Variants in TRPM3 observed in about 807,000 individuals in gnomAD.
TRPM3 encodes the protein transient receptor potential cation channel subfamily M member 3.
TRPM3 carries 77 observed loss-of-function variants against 181.2 expected under a neutral mutation model. That is an observed-to-expected ratio of 0.42 (90% CI 0.35 to 0.51). TRPM3 has a LOEUF of 0.51. Ranked by LOEUF, TRPM3 falls within the 20% of genes least tolerant of loss-of-function variation. The pLI, the probability that TRPM3 is intolerant of heterozygous loss-of-function variation, is 0.01. For missense variants in TRPM3, 1,759 were observed against 2,196.7 expected, an observed-to-expected ratio of 0.80 and a Z score of 3.98; for synonymous variants, 745 against 796.4, an observed-to-expected ratio of 0.94 and a Z score of 1.09.
At chr9:70,595,701 C>T (rs544615734) in intron 21 of TRPM3, among the ~76,000 whole-genome samples, 6 of 152,296 alleles carry the variant, frequency 3.9e-5, no homozygotes, top group Admixed American at 2.6e-4. Flanking sequence ...TCCACAGATC[C>T]TACCTCCTGA....
intron 1 of TRPM3, among the ~76,000 whole-genome samples, chr9:71,161,191 C>T (rs2076257457): frequency 2.0e-5 from 3 of 152,136 alleles, no homozygotes; most frequent in African/African-American, 7.2e-5. Context: ...TAGGAGGAAA[C>T]TCCAACTACT....
intron 6 of TRPM3, among the ~76,000 whole-genome samples, chr9:70,784,504 T>A (rs1239966789): frequency 6.6e-6 from 1 of 152,016 alleles, no homozygotes; most frequent in Non-Finnish European, 1.5e-5. Context: ...CCCTCAACTC[T>A]CAGGATGCTG....
At chr9:71,217,956 A>G (rs1588006079) in intron 1 of TRPM3, among the ~76,000 whole-genome samples, 1 of 152,174 alleles carries the variant, frequency 6.6e-6, no homozygotes, top group South Asian at 2.1e-4. Context: ...TTCCATCCAA[A>G]TATCTCCTTG....
Position 70,827,892 on chromosome 9 carries a change from G to A in TRPM3, c.928C>T (p.Arg310Ter), listed in dbSNP as rs772822897. 2.5e-6 allele frequency: 4 copies of A among 1,614,062 alleles called. No individual in the cohort carries two copies. The highest frequency in any genetic ancestry group is 1.1e-5 in the South Asian group (1 of 91,080). Residue 310 changes from arginine (R) to a stop codon, truncating the protein, a stop_gained, in exon 6 of 26, where the codon CGA (arginine) becomes TGA (stop). Coordinates refer to ENST00000677713, the MANE Select transcript of TRPM3 (RefSeq NM_001366145.2). LOFTEE classifies it high-confidence loss of function. ...TGKYGAEVKLRRQLEKHISLQ... is the reference protein window; with the variant it reads ...TGKYGAEVKL ...GAAATATGCTTTTCCAGTTGTCTTC[G>A]AAGTTTCACCTCTGCTCCATATTTT... is the stretch of plus-strand genomic sequence containing the variant.
chr9:71,267,500 T>G (rs916391100), intron 1 of TRPM3, among the ~76,000 whole-genome samples: 1 of 152,076 alleles, frequency 6.6e-6, no homozygotes, highest in African/African-American at 2.4e-5. Flanking sequence ...CTAAGTACTT[T>G]GGGTTGCAGC....
chr9:70,610,097 T>C (rs146059841), intron 19 of TRPM3, among the ~76,000 whole-genome samples: 113 of 152,322 alleles, frequency 7.4e-4, no homozygotes, highest in East Asian at 3.3e-3. Flanking sequence ...TTGTTAATTG[T>C]GTTGGAACAA....
At chr9:70,865,046 T>TG (rs71507015) in intron 1 of TRPM3, among the ~76,000 whole-genome samples, 5,596 of 94,424 alleles carry the variant, frequency 0.059, 79 homozygotes, top group African/African-American at 0.12. Context: ...ACAGGGGGGT[T>TG]GGGGGGGGGG....
intron 1 of TRPM3, among the ~76,000 whole-genome samples, chr9:70,973,752 T>G (rs2097269224): frequency 6.6e-6 from 1 of 152,096 alleles, no homozygotes; most frequent in African/African-American, 2.4e-5. Context: ...TGGAAAGAAA[T>G]AAAAAATTCA....
intron 1 of TRPM3, among the ~76,000 whole-genome samples, chr9:71,126,687 T>C (rs1429737679): frequency 2.0e-5 from 3 of 152,244 alleles, no homozygotes; most frequent in Admixed American, 6.5e-5. Context: ...CTTTGTTAAG[T>C]AGGTTAAGCA....
rs1169295257 is a variant in TRPM3, at chr9:70,537,067, TGGCTTCGCATACG to T, written c.4033_4045del (p.Arg1345IlefsTer8). The T allele has an allele frequency of 6.2e-7, 1 of 1,612,306 alleles. No homozygotes were observed. Among genetic ancestry groups the T allele is most frequent in the Non-Finnish European group, 8.5e-7 (1 of 1,178,394 alleles). On this transcript the variant is annotated frameshift_variant, in exon 26 of 26. Coordinates refer to ENST00000677713, the MANE Select transcript of TRPM3 (RefSeq NM_001366145.2). LOFTEE classifies it high-confidence loss of function. ...TTTCATATTGACCGAATAGAAAGAA[TGGCTTCGCATACG>T]GGGCATTAAGGTTGGAGAAGTTGGG...
At chr9:71,096,962 C>T (rs1415959433) in intron 1 of TRPM3, among the ~76,000 whole-genome samples, 1 of 152,096 alleles carries the variant, frequency 6.6e-6, no homozygotes, top group African/African-American at 2.4e-5. Context: ...ATGTATCACC[C>T]TGGCTCAAAA....
intron 22 of TRPM3, among the ~76,000 whole-genome samples, chr9:70,582,167 G>A (rs1016935249): frequency 7.9e-5 from 10 of 127,190 alleles, no homozygotes; most frequent in Non-Finnish European, 1.6e-4. Context: ...ACTCCTCCCC[G>A]CCTCCACCCT....
rs2063460461 is a variant in TRPM3, at chr9:70,620,469, T to G, written c.1840-104A>C. On this transcript the variant is annotated intron_variant, in intron 15 of 25. Coordinates refer to ENST00000677713, the MANE Select transcript of TRPM3 (RefSeq NM_001366145.2). ...TCCCAGCTAGCTCTGGGATCAATAC[T>G]GAAATGAACGAGGCCAGCTCCTGTC... 1.8e-5 allele frequency: 23 copies of G among 1,296,430 alleles called. No individual in the cohort carries two copies. In the South Asian group the frequency reaches 2.8e-4, roughly 16 times the overall value. 80.3% of individuals were successfully genotyped at this position (1,296,430 alleles called of 1,614,324 possible).
chr9:70,856,193 C>T (rs2095382713), intron 3 of TRPM3, among the ~76,000 whole-genome samples: 1 of 152,184 alleles, frequency 6.6e-6, no homozygotes, highest in South Asian at 2.1e-4. Context: ...AGAATTGGTT[C>T]TTCCTTCTCT....
chr9:70,842,823 T>C, intron 5 of TRPM3, 180 bp downstream of exon 5: 1 of 592,620 alleles, frequency 1.7e-6, no homozygotes, highest in South Asian at 3.5e-5. Flanking sequence ...ACCTGGAGTT[T>C]GCCTAGAGAT....
intron 6 of TRPM3, among the ~76,000 whole-genome samples, chr9:70,822,093 G>T (rs532563790): frequency 1.3e-5 from 2 of 152,298 alleles, no homozygotes; most frequent in Admixed American, 1.3e-4. Context: ...TGTAGATATA[G>T]AAGCTATGTT....
intron 22 of TRPM3, among the ~76,000 whole-genome samples, chr9:70,563,992 T>A (rs577525440): frequency 3.1e-4 from 47 of 152,176 alleles, no homozygotes; most frequent in South Asian, 6.2e-4. Context: ...CAATCAACAT[T>A]TTTCTCTGGT....
intron 1 of TRPM3, among the ~76,000 whole-genome samples, chr9:70,978,358 A>C (rs2097328087): frequency 6.6e-6 from 1 of 152,220 alleles, no homozygotes; most frequent in Non-Finnish European, 1.5e-5. Context: ...TCAGCCAGTT[A>C]AGTGTAAGAA....
intron 1 of TRPM3, among the ~76,000 whole-genome samples, chr9:70,988,034 T>A (rs761503498): frequency 6.6e-6 from 1 of 152,206 alleles, no homozygotes; most frequent in Non-Finnish European, 1.5e-5. Context: ...TCTGTAATTA[T>A]GTTCCTCTAA....
Sources: allele counts gnomAD v4.1 joint callset (sites outside exome capture counted in the v4.1 genomes callset), GRCh38; gene constraint gnomAD v4.1.1; transcripts MANE v1.5; gene names NCBI Gene and HGNC (gene_info 2026-07-23, HGNC 2026-07-21).